PRH1: variants seen among roughly 807,000 people sequenced by gnomAD.
PRH1 encodes the protein salivary acidic proline-rich phosphoprotein 1/2.
In PRH1, 7 loss-of-function variants were observed where a neutral mutation model predicts 7.9. The ratio of observed to expected loss-of-function variants is 0.89; its 90% confidence interval spans 0.50 to 1.67. The LOEUF (loss-of-function observed/expected upper bound fraction) is 1.67. Among genes scored for constraint, PRH1 ranks in the 40% most tolerant of loss-of-function variants. The pLI, the probability that PRH1 is intolerant of heterozygous loss-of-function variation, is 0.00. For missense variants in PRH1, 109 were observed against 223.6 expected (o/e 0.49, Z 3.27); for synonymous variants, 45 against 80.8 (o/e 0.56, Z 2.38).
intron 2 of PRH1, chr12:10,938,284 T>C: frequency 6.2e-7 from 1 of 1,607,644 alleles, no homozygotes; most frequent in Non-Finnish European, 8.5e-7. Context: ...CTTTGTGACC[T>C]GAGGGCTCCC....
chr12:10,927,231 C>G (rs1240517365), intron 2 of PRH1, among the ~76,000 whole-genome samples: 1 of 152,180 alleles, frequency 6.6e-6, no homozygotes, highest in Non-Finnish European at 1.5e-5. Context: ...TTCTCCGTTA[C>G]CCACATCATC....
intron 1 of PRH1, among the ~76,000 whole-genome samples, chr12:10,980,867 C>T (rs557655217): frequency 2.6e-5 from 4 of 152,228 alleles, no homozygotes; most frequent in East Asian, 1.9e-4. Flanking sequence ...ACATGAAGAC[C>T]GACCATTGGC....
intron 1 of PRH1, among the ~76,000 whole-genome samples, chr12:11,102,014 A>G (rs1373535465): frequency 6.6e-6 from 1 of 152,176 alleles, no homozygotes; most frequent in Non-Finnish European, 1.5e-5. Context: ...TTCAAGAACT[A>G]CAAACCACTG....
intron 1 of PRH1, among the ~76,000 whole-genome samples, chr12:11,107,364 TTAAGA>T (rs1446821725): frequency 1.3e-5 from 2 of 152,136 alleles, no homozygotes; most frequent in African/African-American, 2.4e-5. Context: ...TCTGCTACAA[TTAAGA>T]TAAGAGAAAT....
intron 1 of PRH1, among the ~76,000 whole-genome samples, chr12:11,009,357 T>A (rs2136038077): frequency 6.6e-6 from 1 of 152,044 alleles, no homozygotes; most frequent in Non-Finnish European, 1.5e-5. Flanking sequence ...ATGTCCTGTG[T>A]CATTTTATTT....
chr12:11,079,943 C>G (rs11559493), intron 1 of PRH1, among the ~76,000 whole-genome samples: 6,227 of 93,496 alleles, frequency 0.067, 897 homozygotes, highest in African/African-American at 0.083. Context: ...TATAACTAGA[C>G]TGCACACTTA....
chr12:11,158,080 C>T (rs1310723340), intron 1 of PRH1, among the ~76,000 whole-genome samples: 1 of 152,144 alleles, frequency 6.6e-6, no homozygotes, highest in Non-Finnish European at 1.5e-5. Flanking sequence ...GCTATTTTTT[C>T]CCTTTATTCC....
At chr12:10,902,292 T>C (rs186150902) in intron 2 of PRH1, among the ~76,000 whole-genome samples, 8 of 152,068 alleles carry the variant, frequency 5.3e-5, no homozygotes, top group African/African-American at 1.7e-4. Flanking sequence ...TGAAAACTGG[T>C]CTTTTGAACT....
intron 1 of PRH1, among the ~76,000 whole-genome samples, chr12:11,146,575 C>A (rs374338964): frequency 6.6e-6 from 1 of 152,114 alleles, no homozygotes; most frequent in Non-Finnish European, 1.5e-5. Flanking sequence ...ATTAACAGAT[C>A]TTTCCAAGGA....
rs143079084 is a variant in PRH1 at position 11,044,643 on chromosome 12, A to G, written c.-126+2377T>C. Among the ~76,000 whole-genome samples the G allele has an allele frequency of 1.3e-3, 202 of 152,310 alleles. 7 individuals are homozygous for G. In the East Asian group the frequency reaches 0.027, roughly 20 times the overall value. The stretch of plus-strand genomic sequence containing the variant: ...ATCAAACAATGGGTGAAAGATTTGA[A>G]TATGCATTTCTCAAAAGAAGATATA... On this transcript the variant is annotated intron_variant, in intron 1 of 3. Coordinates refer to the PRH1 transcript ENST00000539853.
At chr12:10,925,763 C>T (rs1371188982) in intron 2 of PRH1, among the ~76,000 whole-genome samples, 1 of 152,148 alleles carries the variant, frequency 6.6e-6, no homozygotes, top group Non-Finnish European at 1.5e-5. Context: ...CTTTTCTGAA[C>T]CTCATTCCTT....
At chr12:10,986,302 G>C in intron 1 of PRH1, 1 of 1,614,016 alleles carries the variant, frequency 6.2e-7, no homozygotes, top group Non-Finnish European at 8.5e-7. Context: ...AGAGTAAAGG[G>C]TATGAAGCTC....
At chr12:11,085,316 T>A (rs1402041761) in intron 1 of PRH1, among the ~76,000 whole-genome samples, 1 of 148,890 alleles carries the variant, frequency 6.7e-6, no homozygotes, top group Non-Finnish European at 1.5e-5. Flanking sequence ...TTAAAAGGAC[T>A]CAAAGAAAAT....
At chr12:11,160,950 A>T (rs1592127294) in intron 1 of PRH1, among the ~76,000 whole-genome samples, 1 of 152,178 alleles carries the variant, frequency 6.6e-6, no homozygotes, top group Non-Finnish European at 1.5e-5. Context: ...TCCAACTTCC[A>T]TGTCCTAAAT....
At chr12:11,106,613 C>CCATTTAATT (rs1261531839) in intron 1 of PRH1, among the ~76,000 whole-genome samples, 1 of 69,158 alleles carries the variant, frequency 1.4e-5, no homozygotes, top group African/African-American at 4.5e-5. Flanking sequence ...TTATTTTTCT[C>CCATTTAATT]TATTTAATTT....
chr12:11,059,327 T>C (rs952741630), intron 1 of PRH1, among the ~76,000 whole-genome samples: 2 of 152,202 alleles, frequency 1.3e-5, no homozygotes, highest in African/African-American at 4.8e-5. Context: ...TCACCACACA[T>C]TGTTTCACAT....
intron 1 of PRH1, among the ~76,000 whole-genome samples, chr12:10,983,691 T>A (rs990381106): frequency 6.6e-6 from 1 of 152,240 alleles, no homozygotes; most frequent in African/African-American, 2.4e-5. Flanking sequence ...ATGCCGGCTG[T>A]GGTTTCCCCT....
At position 10,986,076 on chromosome 12, in the gene PRH1, A is replaced by G. The variant is rs368174048; in HGVS notation, c.-125-12355T>C. 12 of 1,613,978 alleles carry G rather than the reference A, an allele frequency of 7.4e-6. No homozygotes were observed. In the African/African-American group the frequency reaches 1.1e-4, roughly 14 times the overall value. ...TATGTTTCCAACAGCCTTGCTAACCATGACAACCGGGTCATTCCGCAGCCT... is the reference window on the plus strand; with the variant it reads ...TATGTTTCCAACAGCCTTGCTAACCGTGACAACCGGGTCATTCCGCAGCCT... On this transcript the variant is annotated intron_variant, in intron 1 of 3. Coordinates refer to the PRH1 transcript ENST00000539853.
intron 2 of PRH1, among the ~76,000 whole-genome samples, chr12:10,900,294 G>A (rs1051290556): frequency 7.9e-5 from 12 of 152,242 alleles, no homozygotes; most frequent in Non-Finnish European, 1.6e-4. Context: ...ATAACTTGGA[G>A]AAAGGCTTAG....
Sources: gnomAD v4.1 joint callset for allele counts (sites outside exome capture counted in the v4.1 genomes callset) on GRCh38, gnomAD v4.1.1 for gene constraint, MANE v1.5 for transcripts, NCBI Gene and HGNC (gene_info 2026-07-23, HGNC 2026-07-21) for gene names.